PDE1A: variants seen among roughly 807,000 people sequenced by gnomAD.
The protein encoded by PDE1A is phosphodiesterase 1A.
PDE1A carries 35 observed loss-of-function variants against 61.7 expected under a neutral mutation model. The observed-to-expected ratio is 0.57, with a 90% CI of 0.43 to 0.75. PDE1A has a LOEUF of 0.75. PDE1A is among the 30% of genes least tolerant of loss of function. The probability of loss-of-function intolerance (pLI) is 0.00; values close to 1 mark genes in which losing one functional copy is unlikely to be tolerated. For missense variants in PDE1A, 597 were observed against 630.6 expected (o/e 0.95, Z 0.57); for synonymous variants, 232 against 213.2 (o/e 1.09, Z -0.77).
the PDE1A span, among the ~76,000 whole-genome samples, chr2:182,677,198 A>G: frequency 6.6e-6 from 1 of 152,222 alleles, no homozygotes; most frequent in Non-Finnish European, 1.5e-5. Flanking sequence ...GCAGCTGATA[A>G]ACAATGTCAG....
At chr2:182,409,359 C>A (rs141483056) in intron 1 of PDE1A, among the ~76,000 whole-genome samples, 1 of 151,912 alleles carries the variant, frequency 6.6e-6, no homozygotes, top group Non-Finnish European at 1.5e-5. Context: ...TAAATAAGGC[C>A]CAAGCCTTTA....
At chr2:182,626,838 CATATATATACAT>C in the PDE1A span, among the ~76,000 whole-genome samples, 30 of 10,004 alleles carry the variant, frequency 3.0e-3, no homozygotes, top group African/African-American at 7.2e-3. Flanking sequence ...TATATATATA[CATATATATACAT>C]ATATATATAC....
At chr2:182,187,409 A>G (rs1685302134) in intron 11 of PDE1A, among the ~76,000 whole-genome samples, 1 of 152,144 alleles carries the variant, frequency 6.6e-6, no homozygotes, top group East Asian at 1.9e-4. Flanking sequence ...AATATCCCAG[A>G]TCCCAGGACT....
chr2:182,589,251 AGAAG>A, the PDE1A span, among the ~76,000 whole-genome samples: 3 of 108,480 alleles, frequency 2.8e-5, no homozygotes, highest in East Asian at 3.0e-4. Flanking sequence ...AAAAAAGAAA[AGAAG>A]GAAGGGAGGG....
chr2:182,494,183 A>C (rs907616427), intron 2 of PDE1A, among the ~76,000 whole-genome samples: 2 of 152,158 alleles, frequency 1.3e-5, no homozygotes. Context: ...CTTTACTGGG[A>C]TGTCTCTTGA....
the PDE1A span, among the ~76,000 whole-genome samples, chr2:182,572,917 C>G: frequency 1.3e-5 from 2 of 150,522 alleles, no homozygotes; most frequent in Non-Finnish European, 1.5e-5. Flanking sequence ...TTTGCCACCA[C>G]TAGAGGAGAC....
intron 6 of PDE1A, among the ~76,000 whole-genome samples, chr2:182,229,435 T>C (rs374393418): frequency 3.0e-4 from 45 of 152,172 alleles, no homozygotes; most frequent in African/African-American, 1.1e-3. Flanking sequence ...TTCCCAACTC[T>C]CTCAGAGTTC....
chr2:182,616,199 T>C, the PDE1A span, among the ~76,000 whole-genome samples: 1 of 152,214 alleles, frequency 6.6e-6, no homozygotes, highest in Non-Finnish European at 1.5e-5. Flanking sequence ...CTCAGTGAGA[T>C]GCTGAGGATC....
At chr2:182,174,733 A>ATTTAT (rs79890830) in intron 13 of PDE1A, among the ~76,000 whole-genome samples, 25,219 of 151,344 alleles carry the variant, frequency 0.17, 2,332 homozygotes, top group East Asian at 0.31. Context: ...TTTGTTTTTT[A>ATTTAT]TTTATTTTAT....
intron 2 of PDE1A, among the ~76,000 whole-genome samples, chr2:182,459,870 T>C (rs1038707622): frequency 6.6e-6 from 1 of 152,192 alleles, no homozygotes; most frequent in African/African-American, 2.4e-5. Context: ...ATCTTCCCCA[T>C]TGTGCTTAGC....
rs763077680 is a variant in PDE1A at position 182,234,515 on chromosome 2, T to C, written c.351-17A>G. ...CGGTACATTCTAAAAAAGACAAAAA[T>C]AAGTGTAAATATAAAATTCATTTAT... On this transcript the variant is annotated splice_polypyrimidine_tract_variant and intron_variant, in intron 3 of 13. Coordinates refer to ENST00000351439, the Ensembl canonical transcript of PDE1A. The C allele has an allele frequency of 6.8e-7, 1 of 1,477,348 alleles. No homozygotes were observed. 91.5% of individuals were successfully genotyped at this position (1,477,348 alleles called of 1,614,324 possible). A position where few individuals can be genotyped will look rare whatever the true frequency, so the allele number is the denominator to read the frequency against.
intron 2 of PDE1A, among the ~76,000 whole-genome samples, chr2:182,490,900 T>C (rs1688344467): frequency 6.6e-6 from 1 of 152,066 alleles, no homozygotes; most frequent in South Asian, 2.1e-4. Flanking sequence ...AAGAGATATG[T>C]GGGGCTGTAG....
chr2:182,632,751 A>C, the PDE1A span, among the ~76,000 whole-genome samples: 1 of 152,196 alleles, frequency 6.6e-6, no homozygotes, highest in African/African-American at 2.4e-5. Context: ...AAAGATTATT[A>C]TTCTTATAAA....
chr2:182,711,994 A>G, the PDE1A span, among the ~76,000 whole-genome samples: 1 of 152,248 alleles, frequency 6.6e-6, no homozygotes, highest in African/African-American at 2.4e-5. Context: ...AGACATCTCT[A>G]TAATGAAGCC....
the PDE1A span, among the ~76,000 whole-genome samples, chr2:182,587,265 T>C: frequency 1.3e-5 from 2 of 152,120 alleles, no homozygotes; most frequent in Admixed American, 6.6e-5. Flanking sequence ...CTCAGGACAA[T>C]GCTAGTTGGG....
At chr2:182,528,616 G>A in the PDE1A span, among the ~76,000 whole-genome samples, 18 of 152,294 alleles carry the variant, frequency 1.2e-4, 1 homozygote, top group South Asian at 2.9e-3. Context: ...GACAATGGGG[G>A]AAATGCCTCC....
At chr2:182,289,210 T>C (rs181352378) in intron 1 of PDE1A, among the ~76,000 whole-genome samples, 3 of 152,242 alleles carry the variant, frequency 2.0e-5, no homozygotes, top group Non-Finnish European at 4.4e-5. Flanking sequence ...TATTAGAAAA[T>C]TGCATAAATT....
chr2:182,657,965 A>G, the PDE1A span, among the ~76,000 whole-genome samples: 2 of 145,850 alleles, frequency 1.4e-5, no homozygotes, highest in Admixed American at 7.1e-5. Context: ...AATAATATCT[A>G]CCCTGCAAGG....
chr2:182,180,963 G>A (rs1375822696), intron 13 of PDE1A, among the ~76,000 whole-genome samples: 2 of 151,610 alleles, frequency 1.3e-5, no homozygotes, highest in African/African-American at 4.8e-5. Flanking sequence ...TCTCTAAACT[G>A]GTTATTCTAG....
Sources: allele counts gnomAD v4.1 joint callset (sites outside exome capture counted in the v4.1 genomes callset), GRCh38; gene constraint gnomAD v4.1.1; transcripts MANE v1.5; gene names NCBI Gene and HGNC (gene_info 2026-07-23, HGNC 2026-07-21).